Variants in AKT3 observed in about 807,000 individuals in gnomAD.
AKT3 encodes RAC-gamma serine/threonine-protein kinase.
In AKT3, 15 loss-of-function variants were observed where a neutral mutation model predicts 65.3. The observed-to-expected ratio is 0.23, with a 90% CI of 0.15 to 0.35. The LOEUF (loss-of-function observed/expected upper bound fraction) is 0.35, where lower values mean the gene tolerates loss of function less well. Ranked by LOEUF, AKT3 falls within the 10% of genes least tolerant of loss-of-function variation. The pLI is 1.00. For synonymous variants in AKT3, 206 were observed against 183.8 expected (o/e 1.12, Z -0.98); for missense variants, 243 against 576.5 (o/e 0.42, Z 5.92).
intron 10 of AKT3, among the ~76,000 whole-genome samples, chr1:243,560,691 GA>G (rs1673715469): frequency 6.6e-6 from 1 of 152,102 alleles, no homozygotes; most frequent in Non-Finnish European, 1.5e-5. Flanking sequence ...AAGAGAAACT[GA>G]TAATTTTGTG....
intron 6 of AKT3, among the ~76,000 whole-genome samples, chr1:243,633,584 A>G (rs571788999): frequency 2.6e-4 from 39 of 152,288 alleles, no homozygotes; most frequent in South Asian, 1.2e-3. Flanking sequence ...TTACAGTACT[A>G]TAACTTCAGG....
rs150153279 is a variant in AKT3, at chr1:243,690,218, T to G, written c.172+5373A>C. 3.7e-3 allele frequency among the ~76,000 whole-genome samples: 561 copies of G among 151,766 alleles called. 2 individuals carry two copies. Among genetic ancestry groups the G allele is most frequent in the Admixed American group, 6.1e-3 (93 of 15,250 alleles). Reference sequence around the variant, plus strand: ...TCAGAAGTAGGATAAGCCCAAGACATAGGGGCAAATGCACACGTCCTCCAT... The same window carrying G: ...TCAGAAGTAGGATAAGCCCAAGACAGAGGGGCAAATGCACACGTCCTCCAT... On this transcript the variant is annotated intron_variant, in intron 3 of 13. Coordinates refer to ENST00000673466, the MANE Select transcript of AKT3 (RefSeq NM_005465.7).
rs1334951618 is a variant in AKT3 at position 243,489,100 on chromosome 1, G to A, written c.*7-650C>T. ...AAGCAGAACCAGCTTCTCCTGGAGA[G>A]GCAGAGCCTGTCGGAAGAGGTGGAC... On this transcript the variant is annotated intron_variant, in intron 13 of 13. Coordinates refer to the AKT3 transcript ENST00000336199. 2 of 1,613,208 alleles carry A rather than the reference G, an allele frequency of 1.2e-6. No individual in the cohort carries two copies. The highest frequency in any genetic ancestry group is 3.3e-5 in the Admixed American group (2 of 60,018).
At chr1:243,537,536 A>G (rs1022263328) in intron 12 of AKT3, among the ~76,000 whole-genome samples, 2 of 152,098 alleles carry the variant, frequency 1.3e-5, no homozygotes, top group Non-Finnish European at 2.9e-5. Flanking sequence ...TTTGTTGCCT[A>G]TGTTCTGCTT....
chr1:243,544,245 G>GA (rs377475491), intron 12 of AKT3, among the ~76,000 whole-genome samples: 15,699 of 72,814 alleles, frequency 0.22, 1,329 homozygotes, highest in East Asian at 0.31. Flanking sequence ...GGTAGTGGGG[G>GA]AAAAAAAAAA....
At chr1:243,820,448 C>T (rs75928154) in intron 2 of AKT3, among the ~76,000 whole-genome samples, 82 of 152,248 alleles carry the variant, frequency 5.4e-4, no homozygotes, top group East Asian at 2.5e-3. Flanking sequence ...ACTAGACGAA[C>T]GCTTAGATGA....
intron 11 of AKT3, among the ~76,000 whole-genome samples, chr1:243,549,805 C>G (rs1016749253): frequency 6.6e-6 from 1 of 152,140 alleles, no homozygotes; most frequent in African/African-American, 2.4e-5. Context: ...CCAGAGTTAC[C>G]TTTTCATGAC....
At chr1:243,640,409 C>G (rs533072264) in intron 5 of AKT3, among the ~76,000 whole-genome samples, 1 of 152,262 alleles carries the variant, frequency 6.6e-6, no homozygotes, top group Admixed American at 6.5e-5. Context: ...TTTCTCTCTC[C>G]CCGGGCTAAC....
intron 3 of AKT3, among the ~76,000 whole-genome samples, chr1:243,676,053 G>A (rs1683489202): frequency 6.6e-6 from 1 of 152,148 alleles, no homozygotes; most frequent in African/African-American, 2.4e-5. Flanking sequence ...ATTTTACTGA[G>A]GGGATGAGTA....
At position 243,543,055 on chromosome 1, in the gene AKT3, T is replaced by A. The variant is rs952806276; in HGVS notation, c.1251+2455A>T. On this transcript the variant is annotated intron_variant, in intron 12 of 13. Coordinates refer to ENST00000673466, the MANE Select transcript of AKT3 (RefSeq NM_005465.7). Reference sequence around the variant, plus strand: ...TTAAGTGGCACCCATTAAAAAAAAATAATTATAACAACTTGAACGAATTTA... The same window carrying A: ...TTAAGTGGCACCCATTAAAAAAAAAAAATTATAACAACTTGAACGAATTTA... 5.9e-5 allele frequency among the ~76,000 whole-genome samples: 9 copies of A among 152,108 alleles called. 1 individual carries two copies. Among genetic ancestry groups the A allele is most frequent in the Admixed American group, 5.2e-4 (8 of 15,254 alleles).
intron 2 of AKT3, among the ~76,000 whole-genome samples, chr1:243,762,513 C>T (rs1248196745): frequency 6.6e-6 from 1 of 152,160 alleles, no homozygotes; most frequent in East Asian, 1.9e-4. Context: ...ATGCTCCAAA[C>T]GGACTGTTTT....
At chr1:243,834,932 G>C (rs1017338983) in intron 2 of AKT3, among the ~76,000 whole-genome samples, 3 of 152,126 alleles carry the variant, frequency 2.0e-5, no homozygotes, top group African/African-American at 7.2e-5. Flanking sequence ...ATAACATGGT[G>C]ATATACTATA....
At chr1:243,586,011 G>T (rs1675774735) in intron 8 of AKT3, among the ~76,000 whole-genome samples, 1 of 152,094 alleles carries the variant, frequency 6.6e-6, no homozygotes, top group African/African-American at 2.4e-5. Flanking sequence ...AAGTGTATAA[G>T]AAAGTTAAAC....
intron 12 of AKT3, among the ~76,000 whole-genome samples, chr1:243,522,335 A>G (rs1482346032): frequency 2.0e-5 from 3 of 152,224 alleles, no homozygotes; most frequent in Admixed American, 2.0e-4. Flanking sequence ...GGCAATTTCC[A>G]ACTTACAAGC....
At chr1:243,683,125 T>C (rs892453361) in intron 3 of AKT3, among the ~76,000 whole-genome samples, 1 of 152,194 alleles carries the variant, frequency 6.6e-6, no homozygotes, top group South Asian at 2.1e-4. Context: ...GCTCTGCCAT[T>C]TGCCAAACAG....
intron 2 of AKT3, among the ~76,000 whole-genome samples, chr1:243,716,944 A>C (rs1385940371): frequency 2.0e-5 from 3 of 152,204 alleles, no homozygotes; most frequent in Non-Finnish European, 4.4e-5. Context: ...GCCCTTTTGC[A>C]AGTAAGATCT....
intron 11 of AKT3, chr1:243,548,415 C>A (rs1040437209): frequency 3.3e-5 from 5 of 152,042 alleles, no homozygotes; most frequent in African/African-American, 1.2e-4. Flanking sequence ...CTATATTTAT[C>A]AAATACATAT....
At chr1:243,567,019 C>T (rs553336261) in intron 9 of AKT3, among the ~76,000 whole-genome samples, 1 of 152,290 alleles carries the variant, frequency 6.6e-6, no homozygotes, top group Admixed American at 6.5e-5. Flanking sequence ...GTGGCTCATG[C>T]CTGTAATCCC....
chr1:243,786,996 T>C (rs1255000425), intron 2 of AKT3, among the ~76,000 whole-genome samples: 2 of 152,136 alleles, frequency 1.3e-5, no homozygotes, highest in Non-Finnish European at 2.9e-5. Flanking sequence ...CAGAAGAGCA[T>C]AATACAGATA....
Sources: allele counts gnomAD v4.1 joint callset (sites outside exome capture counted in the v4.1 genomes callset), GRCh38; gene constraint gnomAD v4.1.1; transcripts MANE v1.5; gene names NCBI Gene and HGNC (gene_info 2026-07-23, HGNC 2026-07-21).